The following SEC62 variants were observed in gnomAD, a reference collection of about 807,000 sequenced individuals.
SEC62 encodes SEC62 preprotein translocation factor, also known as translocation protein SEC62.
SEC62 carries 10 observed loss-of-function variants against 47.5 expected under a neutral mutation model. The observed-to-expected ratio is 0.21, with a 90% CI of 0.13 to 0.36. The LOEUF (loss-of-function observed/expected upper bound fraction) is 0.36, where lower values mean the gene tolerates loss of function less well. Among genes scored for constraint, SEC62 ranks in the 10% least tolerant of loss-of-function variants. The pLI, the probability that SEC62 is intolerant of heterozygous loss-of-function variation, is 1.00. For missense variants in SEC62, 327 were observed against 464.1 expected (o/e 0.70, Z 2.71); for synonymous variants, 136 against 150.5 (o/e 0.90, Z 0.71).
Position 169,977,025 on chromosome 3 carries a change from G to A in SEC62, c.225G>A (p.Arg75=), listed in dbSNP as rs538621354. Residue 75 remains arginine (R), a synonymous_variant, in exon 3 of 8, where the codon AGG becomes AGA. Transcript: ENST00000337002. The part of the protein sequence containing the change: ...KKGEEALFTT[R]ESVVDYCNRL... ...GAGAGGAAGCTTTATTTACAACCAG[G>A]GAGTCTGTGGTTGACTACTGCAACA... 1 of 1,610,354 alleles carries A rather than the reference G, an allele frequency of 6.2e-7. No homozygotes were observed. Among genetic ancestry groups the A allele is most frequent in the East Asian group, 2.2e-5 (1 of 44,756 alleles).
chr3:169,985,484 T>G (rs914213155), intron 5 of SEC62: 1 of 171,196 alleles, frequency 5.8e-6, no homozygotes. Context: ...TCAAGTGATC[T>G]GCCCGCCTTG....
rs1559969624 is a variant in SEC62, at chr3:169,996,278, TTGAG to T, written c.*3219_*3222del. On this transcript the variant is annotated 3_prime_UTR_variant, in exon 8 of 8. Transcript: ENST00000337002. Reference sequence around the variant, plus strand: ...TTATTGCTGAATCATGCTCCAGTATTTGAGTGATGTTTTAAATATCCTATGTCTG... The same window carrying T: ...TTATTGCTGAATCATGCTCCAGTATTTGATGTTTTAAATATCCTATGTCTG... 6.6e-6 allele frequency: 1 copy of T among 152,646 alleles called. No homozygotes were observed. The highest frequency in any genetic ancestry group is 1.5e-5 in the Non-Finnish European group (1 of 68,028). 9.5% of individuals were successfully genotyped at this position (152,646 alleles called of 1,614,324 possible). A position where few individuals can be genotyped will look rare whatever the true frequency, so the allele number is the denominator to read the frequency against.
intron 5 of SEC62, among the ~76,000 whole-genome samples, chr3:169,984,299 C>T (rs1030865083): frequency 8.6e-5 from 13 of 152,040 alleles, no homozygotes; most frequent in African/African-American, 2.2e-4. Flanking sequence ...TTTTTATAGG[C>T]GTTGGGAATA....
rs553597062 is a variant in SEC62, at chr3:169,993,249, T to C, written c.*186T>C. On this transcript the variant is annotated 3_prime_UTR_variant, in exon 8 of 8. Coordinates refer to ENST00000337002, the MANE Select transcript of SEC62 (RefSeq NM_003262.4). ...AATATTGGCACTATTATTGGTACAGTTTAAAGCCATTAATATGTTTTATCC... is the reference window on the plus strand; with the variant it reads ...AATATTGGCACTATTATTGGTACAGCTTAAAGCCATTAATATGTTTTATCC... 1.8e-6 allele frequency: 1 copy of C among 543,972 alleles called. No individual in the cohort carries two copies. Among genetic ancestry groups the C allele is most frequent in the Admixed American group, 3.6e-5 (1 of 27,566 alleles). The allele number at this position is 543,972 out of a possible 1,614,324, so 33.7% of individuals were successfully genotyped here. A position where few individuals can be genotyped will look rare whatever the true frequency, so the allele number is the denominator to read the frequency against.
Position 169,993,760 on chromosome 3 carries a change from C to G in SEC62, c.*697C>G, listed in dbSNP as rs1453538071. On this transcript the variant is annotated 3_prime_UTR_variant, in exon 8 of 8. Transcript: ENST00000337002. ...GGTGATGGCTCTCCCTCCTCCCTCC[C>G]CATTTCATTGGCGTAACGTAAAGTG... The G allele has an allele frequency of 2.6e-5, 4 of 152,638 alleles. No homozygotes were observed. The highest frequency in any genetic ancestry group is 9.6e-5 in the African/African-American group (4 of 41,452). The allele number at this position is 152,638 out of a possible 1,614,324, so 9.5% of individuals were successfully genotyped here.
chr3:169,968,908 G>T (rs1576854092), intron 1 of SEC62, among the ~76,000 whole-genome samples: 2 of 152,260 alleles, frequency 1.3e-5, no homozygotes, highest in Admixed American at 6.5e-5. Context: ...TAAAATGTTT[G>T]TGAGAGATCT....
In SEC62 at chr3:169,966,810, C is replaced by A; in HGVS notation, c.-13C>A. On this transcript the variant is annotated 5_prime_UTR_variant, in exon 1 of 8. Transcript: ENST00000337002. Reference sequence around the variant, plus strand: ...TCGCTCCACGTCAGAGGGAACCGGGCGGAGCGGCCAACATGGCGGAACGCA... The same window carrying A: ...TCGCTCCACGTCAGAGGGAACCGGGAGGAGCGGCCAACATGGCGGAACGCA... The A allele has an allele frequency of 6.4e-7, 1 of 1,552,674 alleles. No homozygotes were observed. Among genetic ancestry groups the A allele is most frequent in the Non-Finnish European group, 8.7e-7 (1 of 1,147,654 alleles).
At chr3:169,989,230 A>C (rs547814828) in intron 7 of SEC62, among the ~76,000 whole-genome samples, 1 of 143,808 alleles carries the variant, frequency 7.0e-6, no homozygotes, top group African/African-American at 2.6e-5. Context: ...AGTAGCTAGG[A>C]GTACTGGTGC....
chr3:169,977,118 C>T (rs1339257324), intron 3 of SEC62, 67 bp downstream of exon 3: 8 of 1,036,978 alleles, frequency 7.7e-6, no homozygotes, highest in Non-Finnish European at 1.0e-5. Flanking sequence ...CCTGAAGCTC[C>T]TTACATCATT....
chr3:169,970,623 C>T (rs949388160), intron 1 of SEC62, among the ~76,000 whole-genome samples: 1 of 152,126 alleles, frequency 6.6e-6, no homozygotes, highest in Non-Finnish European at 1.5e-5. Context: ...AACCAAACTT[C>T]CAATTTAAAT....
intron 7 of SEC62, among the ~76,000 whole-genome samples, chr3:169,989,207 C>T (rs1715178210): frequency 6.7e-6 from 1 of 148,826 alleles, no homozygotes; most frequent in African/African-American, 2.5e-5. Context: ...AATCCTCCTG[C>T]CTCAGCCTCC....
At chr3:169,970,049 ACT>A (rs1451954585) in intron 1 of SEC62, among the ~76,000 whole-genome samples, 3 of 152,216 alleles carry the variant, frequency 2.0e-5, no homozygotes, top group Admixed American at 6.5e-5. Flanking sequence ...CTAATTTCTG[ACT>A]CTGAATATTC....
chr3:169,973,899 G>C (rs1285925128), intron 1 of SEC62, among the ~76,000 whole-genome samples: 1 of 152,146 alleles, frequency 6.6e-6, no homozygotes, highest in Admixed American at 6.5e-5. Context: ...AAATACAAAG[G>C]AAGAAATGAG....
rs554109382 is a variant in SEC62, at chr3:169,998,011, T to C, written c.*4948T>C. On this transcript the variant is annotated 3_prime_UTR_variant, in exon 8 of 8. Coordinates refer to ENST00000337002, the MANE Select transcript of SEC62 (RefSeq NM_003262.4). ...TGATTTCTGTTGACAAAGTTACTGCTAGTACAACTGTGGATTGTTGTCTGC... is the reference window on the plus strand; with the variant it reads ...TGATTTCTGTTGACAAAGTTACTGCCAGTACAACTGTGGATTGTTGTCTGC... The C allele has an allele frequency of 2.0e-4, 30 of 152,354 alleles. No individual in the cohort carries two copies. The highest frequency in any genetic ancestry group is 6.7e-4 in the African/African-American group (28 of 41,584). The allele number at this position is 152,354 out of a possible 1,614,324, so 9.4% of individuals were successfully genotyped here.
chr3:169,986,023 A>G, intron 6 of SEC62, 158 bp downstream of exon 6: 1 of 549,692 alleles, frequency 1.8e-6, no homozygotes, highest in South Asian at 2.6e-5. Context: ...ACACTAAGGA[A>G]AATATTTGAA....
chr3:169,992,896 A>C lies in SEC62; in HGVS notation c.1033A>C (p.Ser345Arg). 1 of 1,614,118 alleles carries C rather than the reference A, an allele frequency of 6.2e-7. No homozygotes were observed. The highest frequency in any genetic ancestry group is 2.2e-5 in the East Asian group (1 of 44,884). ...GGGAGAACGGCATTCAGACACGGAC[A>C]GTGACAGGAGGGAAGATGATCGATC... The part of the protein sequence containing the change: ...SGGERHSDTD[S>R]DRREDDRSQH... The change falls in exon 8 of 8, where the codon AGT becomes CGT. Residue 345 changes from serine (S) to arginine (R), a missense_variant. Physicochemically the swap from Ser to Arg is moderately radical, Grantham distance 110 (BLOSUM62 -1). Around this residue, in one of 3 missense-constraint regions of SEC62, gnomAD observed 102 missense variants for 108.8 expected, o/e 0.94. Transcript: ENST00000337002. The surrounding 1 kb of genome is among the most constrained non-coding windows in gnomAD (Gnocchi z 4.0).
At chr3:169,973,574 A>T (rs964273093) in intron 1 of SEC62, among the ~76,000 whole-genome samples, 2 of 151,938 alleles carry the variant, frequency 1.3e-5, no homozygotes, top group African/African-American at 4.8e-5. Context: ...GAGGCATGAG[A>T]ATCGCTGGAA....
chr3:169,985,798 C>T lies in SEC62; in HGVS notation c.550-7C>T. The T allele has an allele frequency of 2.6e-5, 41 of 1,606,082 alleles. No homozygotes were observed. The highest frequency in any genetic ancestry group is 3.5e-5 in the Non-Finnish European group (41 of 1,176,538). On this transcript the variant is annotated splice_polypyrimidine_tract_variant and splice_region_variant and intron_variant, in intron 5 of 7. Coordinates refer to ENST00000337002, the MANE Select transcript of SEC62 (RefSeq NM_003262.4). The stretch of plus-strand genomic sequence containing the variant: ...TTTTAAGCACCGAGGTTTCTTGATT[C>T]TTCTAGGTGTATGTATGGATCTATG...
intron 1 of SEC62, among the ~76,000 whole-genome samples, chr3:169,973,459 C>G (rs1028170355): frequency 6.6e-6 from 1 of 151,948 alleles, no homozygotes; most frequent in Non-Finnish European, 1.5e-5. Context: ...GTCAGGAATT[C>G]GAGACCAGCC....
Sources: gnomAD v4.1 joint callset for allele counts (sites outside exome capture counted in the v4.1 genomes callset) on GRCh38, gnomAD v4.1.1 for gene constraint, gnomAD v4.1.1 regional missense constraint, Gnocchi (gnomAD v3.1) non-coding constraint, MANE v1.5 for transcripts, NCBI Gene and HGNC (gene_info 2026-07-23, HGNC 2026-07-21) for gene names.